The following RTL4 variants were observed in gnomAD, a reference collection of about 807,000 sequenced individuals.
The protein encoded by RTL4 is retrotransposon Gag like 4.
In RTL4, 4 loss-of-function variants were observed where a neutral mutation model predicts 5.3. The ratio of observed to expected loss-of-function variants is 0.75; its 90% confidence interval spans 0.37 to 1.72. RTL4 has a LOEUF of 1.72. Ranked by LOEUF, RTL4 falls within the 40% of genes most tolerant of loss-of-function variation. RTL4 has a pLI of 0.04. For synonymous variants in RTL4, 98 were observed against 87.3 expected (o/e 1.12, Z -0.68); for missense variants, 260 against 227.1 (o/e 1.14, Z -0.93).
At chrX:112,433,900 A>G in the RTL4 span, among the ~76,000 whole-genome samples, 1 of 82,820 alleles carries the variant, frequency 1.2e-5, no homozygotes, top group Non-Finnish European at 2.3e-5. Flanking sequence ...ATTTTGAAAT[A>G]CGTCCCATCA....
At chrX:112,319,410 C>T in the RTL4 span, among the ~76,000 whole-genome samples, 1 of 111,941 alleles carries the variant, frequency 8.9e-6, no homozygotes, top group Non-Finnish European at 1.9e-5. Context: ...ACACTGCGCC[C>T]TTTCCTTCCT....
chrX:112,293,419 G>T, the RTL4 span, among the ~76,000 whole-genome samples: 2,486 of 112,234 alleles, frequency 0.022, 70 homozygotes, highest in African/African-American at 0.074. Context: ...TTCAGATTTT[G>T]TAATGAATCA....
chrX:112,208,452 T>C, the RTL4 span, among the ~76,000 whole-genome samples: 1 of 112,219 alleles, frequency 8.9e-6, no homozygotes, highest in Non-Finnish European at 1.9e-5. Context: ...ATTGTTTTAG[T>C]AATTGGTTCA....
At chrX:112,266,896 T>C in the RTL4 span, among the ~76,000 whole-genome samples, 4 of 111,373 alleles carry the variant, frequency 3.6e-5, no homozygotes, top group African/African-American at 1.3e-4. Flanking sequence ...AATGTACCTG[T>C]ATTTTTTCTC....
At chrX:112,134,361 A>T in the RTL4 span, among the ~76,000 whole-genome samples, 1 of 112,319 alleles carries the variant, frequency 8.9e-6, no homozygotes, top group African/African-American at 3.2e-5. Context: ...AAATTATTTC[A>T]GACTTGGACA....
chrX:112,358,107 CTTAT>C, the RTL4 span, among the ~76,000 whole-genome samples: 1 of 108,482 alleles, frequency 9.2e-6, no homozygotes, highest in Admixed American at 9.9e-5. Flanking sequence ...TTCTTTTTTA[CTTAT>C]TTATTTATTT....
At chrX:112,234,963 G>A in the RTL4 span, among the ~76,000 whole-genome samples, 318 of 111,130 alleles carry the variant, frequency 2.9e-3, no homozygotes, top group African/African-American at 9.5e-3. Context: ...CAAGTGGGAG[G>A]GTAGATTTGG....
chrX:112,248,867 A>T, the RTL4 span, among the ~76,000 whole-genome samples: 1 of 112,249 alleles, frequency 8.9e-6, no homozygotes, highest in African/African-American at 3.2e-5. Context: ...TTCATATCAG[A>T]GGTGGAGTCA....
the RTL4 span, among the ~76,000 whole-genome samples, chrX:112,217,395 A>C: frequency 4.5e-5 from 5 of 112,072 alleles, no homozygotes; most frequent in Non-Finnish European, 9.4e-5. Flanking sequence ...TGTCAACAGC[A>C]CTAGCAACTT....
At chrX:112,424,336 C>G in the RTL4 span, among the ~76,000 whole-genome samples, 1 of 111,595 alleles carries the variant, frequency 9.0e-6, no homozygotes, top group Non-Finnish European at 1.9e-5. Flanking sequence ...TCTCTTTGGT[C>G]TAGCTAAACA....
At chrX:112,152,943 A>G in the RTL4 span, among the ~76,000 whole-genome samples, 1 of 111,720 alleles carries the variant, frequency 9.0e-6, no homozygotes, top group African/African-American at 3.2e-5. Flanking sequence ...GCAAAAGCCT[A>G]TAAACTCTGC....
chrX:112,397,224 G>T, the RTL4 span, among the ~76,000 whole-genome samples: 6 of 111,765 alleles, frequency 5.4e-5, no homozygotes, highest in African/African-American at 2.0e-4. Flanking sequence ...TATAAGTGGT[G>T]TAGTATTTTC....
chrX:112,100,890 C>T, the RTL4 span, among the ~76,000 whole-genome samples: 3 of 111,379 alleles, frequency 2.7e-5, no homozygotes, highest in Non-Finnish European at 3.8e-5. Context: ...CAGGCAGGCC[C>T]TCTGTTATCA....
chrX:112,318,485 T>G, the RTL4 span, among the ~76,000 whole-genome samples: 1 of 112,243 alleles, frequency 8.9e-6, no homozygotes, highest in South Asian at 3.7e-4. Context: ...TTTTCACCAT[T>G]GAAGGAGCTT....
the RTL4 span, among the ~76,000 whole-genome samples, chrX:112,171,623 G>A: frequency 9.0e-6 from 1 of 111,566 alleles, no homozygotes; most frequent in Admixed American, 9.5e-5. Context: ...ATTTCCGATT[G>A]TGTCTATTTG....
At chrX:112,300,198 G>A in the RTL4 span, among the ~76,000 whole-genome samples, 21 of 111,264 alleles carry the variant, frequency 1.9e-4, no homozygotes, top group African/African-American at 6.5e-4. Flanking sequence ...AATGCATCTT[G>A]ATAATCACAC....
At chrX:112,325,843 C>A in the RTL4 span, among the ~76,000 whole-genome samples, 2 of 112,203 alleles carry the variant, frequency 1.8e-5, no homozygotes, top group African/African-American at 6.5e-5. Context: ...GCAAAAGAAA[C>A]TACCATCAGA....
chrX:112,245,763 G>T, the RTL4 span, among the ~76,000 whole-genome samples: 2 of 112,292 alleles, frequency 1.8e-5, no homozygotes, highest in Non-Finnish European at 3.8e-5. Context: ...CAATCCTTTG[G>T]AAGAGAAGAG....
the RTL4 span, among the ~76,000 whole-genome samples, chrX:112,438,941 A>G: frequency 2.7e-5 from 3 of 112,036 alleles, no homozygotes; most frequent in Admixed American, 9.5e-5. Context: ...GCCCTAACCC[A>G]GCAAAGTTCA....
Sources: allele counts gnomAD v4.1 joint callset (sites outside exome capture counted in the v4.1 genomes callset), GRCh38; gene constraint gnomAD v4.1.1; transcripts MANE v1.5; gene names NCBI Gene and HGNC (gene_info 2026-07-23, HGNC 2026-07-21).